The following CACNA2D3 variants were observed in gnomAD, a reference collection of about 807,000 sequenced individuals.
CACNA2D3 encodes voltage-dependent calcium channel subunit alpha-2/delta-3.
In CACNA2D3, 60 loss-of-function variants were observed where a neutral mutation model predicts 160.6. That is an observed-to-expected ratio of 0.37 (90% CI 0.30 to 0.46). The LOEUF is 0.46. Ranked by LOEUF, CACNA2D3 falls within the 20% of genes least tolerant of loss-of-function variation. The pLI is 1.00. For synonymous variants in CACNA2D3, 558 were observed against 492.9 expected, an observed-to-expected ratio of 1.13 and a Z score of -1.75; for missense variants, 1,205 against 1,365.0, an observed-to-expected ratio of 0.88 and a Z score of 1.85.
rs937614350 is a variant in CACNA2D3 at position 54,136,635 on chromosome 3, C to T, written c.204+13041C>T. Among the ~76,000 whole-genome samples the T allele has an allele frequency of 4.9e-4, 74 of 152,250 alleles. 1 individual carries two copies. Among genetic ancestry groups the T allele is most frequent in the Non-Finnish European group, 1.5e-4 (10 of 68,046 alleles). On this transcript the variant is annotated intron_variant, in intron 2 of 37. Transcript: ENST00000474759. ...CACTGCTTGAGTTCCCTGCACACAT[C>T]CGGCTGTGTCACGCCTCTGTGCCCA...
At chr3:54,816,406 C>G (rs1377815819) in intron 13 of CACNA2D3, among the ~76,000 whole-genome samples, 1 of 152,148 alleles carries the variant, frequency 6.6e-6, no homozygotes, top group Non-Finnish European at 1.5e-5. Context: ...CCTCTACCCT[C>G]TAGAGGCCAA....
At chr3:54,895,150 A>G (rs1700158968) in intron 25 of CACNA2D3, among the ~76,000 whole-genome samples, 1 of 152,216 alleles carries the variant, frequency 6.6e-6, no homozygotes, top group Non-Finnish European at 1.5e-5. Flanking sequence ...AACAAAGTAG[A>G]GCACTTATGA....
intron 27 of CACNA2D3, among the ~76,000 whole-genome samples, chr3:54,916,227 T>C (rs928775423): frequency 4.6e-5 from 7 of 152,228 alleles, no homozygotes; most frequent in African/African-American, 1.7e-4. Context: ...GTGTGAGCTC[T>C]GGAAACATTT....
At chr3:54,887,882 A>T in intron 23 of CACNA2D3, 77 bp from the exon 24 acceptor site, 1 of 1,067,840 alleles carries the variant, frequency 9.4e-7, no homozygotes. Context: ...CAGATGCTGC[A>T]CAATGAGCCC....
intron 27 of CACNA2D3, among the ~76,000 whole-genome samples, chr3:54,912,575 A>G (rs1700581221): frequency 6.6e-6 from 1 of 151,886 alleles, no homozygotes; most frequent in African/African-American, 2.4e-5. Flanking sequence ...TACCTTCACC[A>G]CTGGTTCCAT....
At chr3:54,662,888 C>T (rs1575412201) in intron 11 of CACNA2D3, among the ~76,000 whole-genome samples, 1 of 152,340 alleles carries the variant, frequency 6.6e-6, no homozygotes, top group East Asian at 1.9e-4. Flanking sequence ...TAGGCTTGTA[C>T]TATGTGATCT....
chr3:54,692,105 C>A (rs1349404321), intron 11 of CACNA2D3, among the ~76,000 whole-genome samples: 3 of 152,152 alleles, frequency 2.0e-5, no homozygotes, highest in African/African-American at 7.2e-5. Context: ...TCCCGAGTAG[C>A]TGGGACTACA....
At chr3:54,832,031 A>ACG (rs1190506517) in intron 14 of CACNA2D3, among the ~76,000 whole-genome samples, 2 of 148,698 alleles carry the variant, frequency 1.3e-5, no homozygotes, top group East Asian at 3.9e-4. Context: ...ACACACACAC[A>ACG]CACACACACA....
chr3:54,460,247 G>A (rs1700475773), intron 4 of CACNA2D3, among the ~76,000 whole-genome samples: 2 of 152,062 alleles, frequency 1.3e-5, no homozygotes, highest in Non-Finnish European at 2.9e-5. Context: ...GGATTGACTT[G>A]GCGATGCAGG....
At chr3:54,466,297 A>G (rs775938374) in intron 4 of CACNA2D3, among the ~76,000 whole-genome samples, 1 of 152,136 alleles carries the variant, frequency 6.6e-6, no homozygotes, top group Non-Finnish European at 1.5e-5. Flanking sequence ...AATCAAGGAG[A>G]GAATTGGAAA....
chr3:54,946,634 C>T (rs947829075), intron 27 of CACNA2D3, among the ~76,000 whole-genome samples: 1 of 152,056 alleles, frequency 6.6e-6, no homozygotes, highest in African/African-American at 2.4e-5. Context: ...ACAGGAGAGC[C>T]GTCCTTTCAT....
At chr3:54,646,386 A>G (rs914488133) in intron 11 of CACNA2D3, among the ~76,000 whole-genome samples, 1 of 143,476 alleles carries the variant, frequency 7.0e-6, no homozygotes, top group African/African-American at 2.5e-5. Context: ...TCCATTAGCT[A>G]TTCTTCCTGA....
At chr3:54,722,637 G>T (rs1701190472) in intron 11 of CACNA2D3, among the ~76,000 whole-genome samples, 1 of 152,134 alleles carries the variant, frequency 6.6e-6, no homozygotes, top group Non-Finnish European at 1.5e-5. Context: ...TTTTCCTTCT[G>T]ACAGTCAGGC....
intron 2 of CACNA2D3, among the ~76,000 whole-genome samples, chr3:54,124,806 G>A (rs1338328058): frequency 6.6e-6 from 1 of 152,206 alleles, no homozygotes; most frequent in Non-Finnish European, 1.5e-5. Context: ...CAACTCTGTT[G>A]TTTGGGAAGG....
intron 27 of CACNA2D3, among the ~76,000 whole-genome samples, chr3:54,923,603 G>A (rs1700916562): frequency 6.6e-6 from 1 of 152,174 alleles, no homozygotes; most frequent in Non-Finnish European, 1.5e-5. Flanking sequence ...TGGAATCTCT[G>A]TGATGGTTAG....
intron 9 of CACNA2D3, among the ~76,000 whole-genome samples, chr3:54,585,647 A>G (rs1258199729): frequency 1.3e-5 from 2 of 152,224 alleles, no homozygotes; most frequent in East Asian, 3.9e-4. Context: ...CACATCTTAC[A>G]TGGCAGCAGG....
At chr3:54,998,215 C>T (rs1006982900) in intron 31 of CACNA2D3, among the ~76,000 whole-genome samples, 1 of 150,946 alleles carries the variant, frequency 6.6e-6, no homozygotes, top group African/African-American at 2.4e-5. Flanking sequence ...AGTTCACTGC[C>T]ACCTCCGCCT....
chr3:54,393,767 C>T (rs1300493929), intron 4 of CACNA2D3, among the ~76,000 whole-genome samples: 9 of 152,214 alleles, frequency 5.9e-5, no homozygotes, highest in Non-Finnish European at 1.0e-4. Context: ...TGGTATCCCA[C>T]GTCCCAGGGA....
In CACNA2D3 at chr3:54,957,870, A is replaced by G. The variant is rs772698362; in HGVS notation, c.2450-10580A>G. ...CCCCTGTAGATTTTTCCAAAGCACA[A>G]ATCTATTTGTGTCTCACATCCTTCC... On this transcript the variant is annotated intron_variant, in intron 27 of 37. Transcript: ENST00000474759. Among the ~76,000 whole-genome samples the G allele has an allele frequency of 7.9e-5, 12 of 152,252 alleles. 1 individual carries two copies. The highest frequency in any genetic ancestry group is 2.6e-4 in the Admixed American group (4 of 15,298).
Sources: gnomAD v4.1 joint callset for allele counts (sites outside exome capture counted in the v4.1 genomes callset) on GRCh38, gnomAD v4.1.1 for gene constraint, MANE v1.5 for transcripts, NCBI Gene and HGNC (gene_info 2026-07-23, HGNC 2026-07-21) for gene names.